KYAT1: variants seen among roughly 807,000 people sequenced by gnomAD.
KYAT1 encodes kynurenine aminotransferase 1.
KYAT1 carries 47 observed loss-of-function variants against 52.4 expected under a neutral mutation model. The ratio of observed to expected loss-of-function variants is 0.90; its 90% CI spans 0.71 to 1.14. The LOEUF (loss-of-function observed/expected upper bound fraction) is 1.14. KYAT1 is among the 50% of genes most tolerant of loss of function. KYAT1 has a pLI of 0.00. For missense variants in KYAT1, 480 were observed against 557.9 expected (o/e 0.86, Z 1.41); for synonymous variants, 212 against 209.6 (o/e 1.01, Z -0.10).
rs571239657 is a variant in KYAT1 at position 128,836,156 on chromosome 9, G to A, written c.689-83C>T. ...TGGTGGTCTGGGCCCCAGGGGACACGCATAGGCTTTTGACACCCTGGATTC... is the reference window on the plus strand; with the variant it reads ...TGGTGGTCTGGGCCCCAGGGGACACACATAGGCTTTTGACACCCTGGATTC... On this transcript the variant is annotated intron_variant, in intron 7 of 12. Coordinates refer to ENST00000302586, the MANE Select transcript of KYAT1 (RefSeq NM_004059.5). 190 of 1,238,536 alleles carry A rather than the reference G, an allele frequency of 1.5e-4. 8 individuals are homozygous for A. The South Asian group carries it at 2.2e-3, about 14-fold the overall frequency. The allele number at this position is 1,238,536 out of a possible 1,614,324, so 76.7% of individuals were successfully genotyped here.
Position 128,879,081 on chromosome 9 carries a change from T to C in KYAT1, c.-7+2816A>G, listed in dbSNP as rs895622037. On this transcript the variant is annotated intron_variant, in intron 1 of 12. Coordinates refer to ENST00000302586, the MANE Select transcript of KYAT1 (RefSeq NM_004059.5). ...ATCCCAGCACTTTGGGAGGCCGAGG[T>C]GGGCGGATCACAAGGTCAGGAGATA... 1.1e-4 allele frequency among the ~76,000 whole-genome samples: 16 copies of C among 152,092 alleles called. No homozygotes were observed. In the East Asian group the frequency reaches 2.1e-3, roughly 20 times the overall value.
intron 1 of KYAT1, among the ~76,000 whole-genome samples, chr9:128,864,456 A>G (rs1302029019): frequency 6.6e-6 from 1 of 151,742 alleles, no homozygotes; most frequent in Non-Finnish European, 1.5e-5. Context: ...ATGTACAGGT[A>G]TACAGTTTTG....
chr9:128,868,702 A>G (rs568106444), intron 1 of KYAT1, among the ~76,000 whole-genome samples: 7 of 146,506 alleles, frequency 4.8e-5, no homozygotes, highest in African/African-American at 1.8e-4. Flanking sequence ...ATGCCTGGCT[A>G]ATTTTTTTTT....
intron 1 of KYAT1, 23 bp from the exon 2 acceptor site, chr9:128,845,434 T>A (rs1175320606): frequency 6.2e-7 from 1 of 1,612,330 alleles, no homozygotes; most frequent in African/African-American, 1.3e-5. Context: ...AAGTGGAAGG[T>A]CAGAGATGGA....
rs879755616 is a variant in KYAT1, at chr9:128,879,309, C to CA, written c.-7+2587dup. Among the ~76,000 whole-genome samples the CA allele has an allele frequency of 3.5e-3, 448 of 126,444 alleles. 1 individual carries two copies. Among genetic ancestry groups the CA allele is most frequent in the Non-Finnish European group, 4.1e-3 (237 of 58,474 alleles). 83.0% of individuals were successfully genotyped at this position (126,444 alleles called of 152,430 possible). A position where few individuals can be genotyped will look rare whatever the true frequency, so the allele number is the denominator to read the frequency against. On this transcript the variant is annotated intron_variant, in intron 1 of 12. Transcript: ENST00000302586. ...TGGGCGACAGAGTGAGACTCCGTCT[C>CA]AAAAAAAAAAAAAGGAATTATGCAG...
chr9:128,835,540 C>T lies in KYAT1; in HGVS notation c.983G>A (p.Gly328Asp), dbSNP rs1228298174. The change falls in exon 10 of 13, where the codon GGC becomes GAC. Residue 328 changes from glycine to aspartate, a missense_variant. Gly to Asp is a moderately conservative substitution (Grantham distance 94). Transcript: ENST00000302586. The stretch of plus-strand genomic sequence containing the variant: ...GCCCTGAGGGATGATGGGCTTCAGG[C>T]CCACTGACTGTAGGCTACGTATCAT... ...DHMIRSLQSV[G>D]LKPIIPQGSY... 1 of 1,613,704 alleles carries T rather than the reference C, an allele frequency of 6.2e-7. No homozygotes were observed. Among genetic ancestry groups the T allele is most frequent in the Admixed American group, 1.7e-5 (1 of 60,014 alleles).
intron 2 of KYAT1, among the ~76,000 whole-genome samples, chr9:128,844,326 T>A (rs929029999): frequency 6.6e-6 from 1 of 152,146 alleles, no homozygotes; most frequent in East Asian, 1.9e-4. Flanking sequence ...GGCAGATCCC[T>A]TGAGGTCAGG....
intron 1 of KYAT1, among the ~76,000 whole-genome samples, chr9:128,868,815 C>T (rs1486099471): frequency 6.6e-6 from 1 of 151,212 alleles, no homozygotes; most frequent in Non-Finnish European, 1.5e-5. Flanking sequence ...AAGCGATTCT[C>T]CTGCCTCAGC....
chr9:128,843,911 A>T (rs2759010), intron 2 of KYAT1, among the ~76,000 whole-genome samples: 1 of 152,226 alleles, frequency 6.6e-6, no homozygotes, highest in South Asian at 2.1e-4. Flanking sequence ...TGTGAGGCAC[A>T]TCTTGTTCCT....
chr9:128,850,070 A>G (rs1452970885), intron 1 of KYAT1, among the ~76,000 whole-genome samples: 5 of 151,320 alleles, frequency 3.3e-5, no homozygotes, highest in African/African-American at 1.2e-4. Flanking sequence ...TTTTAATTAG[A>G]GATGGGGTTT....
intron 1 of KYAT1, among the ~76,000 whole-genome samples, chr9:128,849,224 C>G (rs1324656107): frequency 1.3e-5 from 2 of 150,446 alleles, no homozygotes; most frequent in Admixed American, 1.3e-4. Context: ...CCAGCCTGGT[C>G]AACATGGTGA....
intron 11 of KYAT1, 146 bp downstream of exon 11, chr9:128,835,177 A>C: frequency 1.4e-6 from 1 of 719,228 alleles, no homozygotes; most frequent in South Asian, 1.5e-5. Flanking sequence ...CAGCCTCCTC[A>C]TTCTCTGAAG....
At position 128,842,741 on chromosome 9, in the gene KYAT1, C is replaced by A. The variant is rs377087687; in HGVS notation, c.114G>T (p.Pro38=). ...CGGCAAAGTCTGGTGGTGGGAAATC[C>A]GGGAAGCCCTGGCCCAAGTTCACGA... ...HDVVNLGQGF[P]DFPPPDFAVE... Residue 38 remains proline, a synonymous_variant, in exon 3 of 13, where the codon CCG becomes CCT. Transcript: ENST00000302586. 1 of 1,614,156 alleles carries A rather than the reference C, an allele frequency of 6.2e-7. No individual in the cohort carries two copies. The highest frequency in any genetic ancestry group is 1.7e-5 in the Admixed American group (1 of 60,016).
chr9:128,877,450 C>G (rs541906020), intron 1 of KYAT1, among the ~76,000 whole-genome samples: 6 of 152,290 alleles, frequency 3.9e-5, no homozygotes, highest in African/African-American at 1.4e-4. Context: ...CTCTATTTTG[C>G]TCAAAAGGAG....
In KYAT1 at chr9:128,838,332, G is replaced by T; in HGVS notation, c.237C>A (p.Phe79Leu). Residue 79 changes from phenylalanine to leucine, a missense_variant, in exon 4 of 13, where the codon TTC (phenylalanine) becomes TTA (leucine). By Grantham distance (22) the Phe-to-Leu change is conservative (BLOSUM62 0). Transcript: ENST00000302586. ...TCTCCTGACCCAGCAGCTCCCCAAA[G>T]AAACTTGCCAGGATCTTCGTCAGTG... Reference protein sequence around the residue: ...YPPLTKILASFFGELLGQEID... With the variant: ...YPPLTKILASLFGELLGQEID... The T allele has an allele frequency of 1.2e-6, 2 of 1,614,150 alleles. No homozygotes were observed. The highest frequency in any genetic ancestry group is 1.7e-6 in the Non-Finnish European group (2 of 1,180,018).
At chr9:128,836,251 T>C (rs1409751192) in intron 7 of KYAT1, 178 bp from the exon 8 acceptor site, 3 of 469,170 alleles carry the variant, frequency 6.4e-6, no homozygotes, top group Admixed American at 3.8e-5. Context: ...CCTTCCTTCT[T>C]TCTCTCTCTC....
At chr9:128,879,809 C>T (rs1208947533) in intron 1 of KYAT1, among the ~76,000 whole-genome samples, 1 of 152,224 alleles carries the variant, frequency 6.6e-6, no homozygotes. Flanking sequence ...TGGGCTTCCG[C>T]CCTCAAAGTA....
intron 1 of KYAT1, among the ~76,000 whole-genome samples, chr9:128,879,066 T>G (rs935583938): frequency 6.6e-6 from 1 of 152,184 alleles, no homozygotes; most frequent in Non-Finnish European, 1.5e-5. Flanking sequence ...ATCCCAGCAC[T>G]TTGGGAGGCC....
chr9:128,849,529 C>A (rs1362895587), intron 1 of KYAT1, among the ~76,000 whole-genome samples: 1 of 151,886 alleles, frequency 6.6e-6, no homozygotes, highest in African/African-American at 2.4e-5. Flanking sequence ...GGCGTGGCAG[C>A]TTATGCCTGT....
Sources: allele counts gnomAD v4.1 joint callset (sites outside exome capture counted in the v4.1 genomes callset), GRCh38; gene constraint gnomAD v4.1.1; transcripts MANE v1.5; gene names NCBI Gene and HGNC (gene_info 2026-07-23, HGNC 2026-07-21).